The following THADA variants were observed in gnomAD, a reference collection of about 807,000 sequenced individuals.
The protein encoded by THADA is THADA armadillo repeat containing, also known as tRNA (32-2'-O)-methyltransferase regulator THADA.
A neutral mutation model predicts 219.8 loss-of-function variants in THADA; 213 were observed. The ratio of observed to expected loss-of-function variants is 0.97; its 90% CI spans 0.87 to 1.09. The LOEUF (loss-of-function observed/expected upper bound fraction) is 1.09. Among genes scored for constraint, THADA ranks in the 50% least tolerant of loss-of-function variants. THADA has a pLI of 0.00. For synonymous variants in THADA, 1,018 were observed against 828.9 expected (o/e 1.23, Z -3.92); for missense variants, 2,956 against 2,311.3 (o/e 1.28, Z -5.72).
At position 43,551,870 on chromosome 2, in the gene THADA, A is replaced by G; in HGVS notation, c.2866T>C (p.Ser956Pro). Residue 956 changes from serine (S) to proline (P), a missense_variant, in exon 19 of 38, where the codon TCC (serine) becomes CCC (proline). Ser to Pro is a moderately conservative substitution (Grantham distance 74, BLOSUM62 -1). Coordinates refer to ENST00000405975, the MANE Select transcript of THADA (RefSeq NM_022065.5). Reference protein sequence around the residue: ...RPVVEKLLLMSYRLSTVVSPV... With the variant: ...RPVVEKLLLMPYRLSTVVSPV... ...GACACCACAGTGGAAAGCCTGTAGG[A>G]CATCAAAAGGAGCTTCTCTACCACA... The G allele has an allele frequency of 1.2e-6, 2 of 1,613,914 alleles. No individual in the cohort carries two copies. The highest frequency in any genetic ancestry group is 1.7e-6 in the Non-Finnish European group (2 of 1,179,856).
At chr2:43,407,880 C>A (rs1360411188) in intron 28 of THADA, among the ~76,000 whole-genome samples, 1 of 151,950 alleles carries the variant, frequency 6.6e-6, no homozygotes, top group East Asian at 1.9e-4. Flanking sequence ...ATGATGGATT[C>A]CCAAATAAAA....
At chr2:43,308,754 A>G (rs1209274914) in intron 31 of THADA, among the ~76,000 whole-genome samples, 1 of 85,630 alleles carries the variant, frequency 1.2e-5, no homozygotes, top group Non-Finnish European at 2.4e-5. Flanking sequence ...TTGGATACCC[A>G]TACCAAAAAA....
chr2:43,380,017 G>A (rs1044315608), intron 29 of THADA, among the ~76,000 whole-genome samples: 7 of 152,226 alleles, frequency 4.6e-5, no homozygotes, highest in Non-Finnish European at 7.3e-5. Flanking sequence ...GGTTGCCAGA[G>A]TTTTGTGGAG....
At chr2:43,412,089 G>A (rs749339469) in intron 28 of THADA, among the ~76,000 whole-genome samples, 2 of 152,052 alleles carry the variant, frequency 1.3e-5, no homozygotes, top group Admixed American at 6.6e-5. Flanking sequence ...TTTTATGTTG[G>A]ATTTTAAACA....
At position 43,524,405 on chromosome 2, in the gene THADA, T is replaced by A. The variant is rs561786388; in HGVS notation, c.3374+3474A>T. On this transcript the variant is annotated intron_variant, in intron 22 of 37. Transcript: ENST00000405975. ...TCATGTTTAACTCTTCAGTTATTTA[T>A]CCATTAATCTCTTTAAGTGCTTCCT... is the stretch of plus-strand genomic sequence containing the variant. 8.7e-4 allele frequency among the ~76,000 whole-genome samples: 133 copies of A among 152,370 alleles called. 1 individual carries two copies. Among genetic ancestry groups the A allele is most frequent in the African/African-American group, 3.0e-3 (125 of 41,590 alleles).
intron 31 of THADA, among the ~76,000 whole-genome samples, chr2:43,306,483 G>C (rs1676876997): frequency 1.3e-5 from 2 of 152,064 alleles, no homozygotes; most frequent in African/African-American, 2.4e-5. Context: ...CTGCTAACTG[G>C]GAAGATTCCT....
chr2:43,541,322 AC>A lies in THADA; in HGVS notation c.3107-7del, dbSNP rs1695277768. On this transcript the variant is annotated splice_region_variant and splice_polypyrimidine_tract_variant and intron_variant, in intron 20 of 37. Coordinates refer to ENST00000405975, the MANE Select transcript of THADA (RefSeq NM_022065.5). The stretch of plus-strand genomic sequence containing the variant: ...ACATGTTTTTACTTCTTTACCTTAA[AC>A]AAAAAAAAACACAACGATTGCAACC... 1 of 1,612,116 alleles carries A rather than the reference AC, an allele frequency of 6.2e-7. No individual in the cohort carries two copies. Among genetic ancestry groups the A allele is most frequent in the East Asian group, 2.2e-5 (1 of 44,804 alleles).
intron 7 of THADA, among the ~76,000 whole-genome samples, chr2:43,582,569 C>CTTT (rs755116429): frequency 0.021 from 2,548 of 119,360 alleles, 219 homozygotes; most frequent in African/African-American, 0.085. Flanking sequence ...CCCTCCCTGG[C>CTTT]TTTTTTTTTT....
chr2:43,398,479 A>G (rs1172248117), intron 28 of THADA, among the ~76,000 whole-genome samples: 1 of 152,230 alleles, frequency 6.6e-6, no homozygotes, highest in African/African-American at 2.4e-5. Flanking sequence ...AAGTGCCATA[A>G]AAAATAAGAC....
chr2:43,552,081 C>A (rs889549324), intron 18 of THADA, 123 bp downstream of exon 18: 13 of 1,518,202 alleles, frequency 8.6e-6, no homozygotes, highest in South Asian at 1.3e-5. Flanking sequence ...GTTTTTAAAT[C>A]TGATTTTCAA....
At chr2:43,336,980 G>T (rs1666529510) in intron 30 of THADA, among the ~76,000 whole-genome samples, 1 of 152,226 alleles carries the variant, frequency 6.6e-6, no homozygotes. Context: ...GGTGGTGCCA[G>T]ATCTTCCAGT....
chr2:43,353,516 C>T (rs149590433), intron 29 of THADA, among the ~76,000 whole-genome samples: 75 of 152,208 alleles, frequency 4.9e-4, no homozygotes, highest in East Asian at 2.9e-3. Context: ...TATTCAAGTT[C>T]GTTGCCCATT....
chr2:43,544,832 T>C (rs1695810958), intron 20 of THADA, among the ~76,000 whole-genome samples: 1 of 151,104 alleles, frequency 6.6e-6, no homozygotes, highest in Non-Finnish European at 1.5e-5. Flanking sequence ...CAGGGACAAT[T>C]TGACTTCCTC....
At chr2:43,552,005 CTT>C (rs1696807241) in intron 18 of THADA, 80 bp from the exon 19 acceptor site, 17 of 1,567,600 alleles carry the variant, frequency 1.1e-5, no homozygotes, top group Non-Finnish European at 1.3e-5. Context: ...AAAGGATTGA[CTT>C]TGTGTTTCAA....
chr2:43,549,190 A>G lies in THADA; in HGVS notation c.3106+20T>C. Reference sequence around the variant, plus strand: ...TGGTTACTTAAACATGAATTACAGTATCCATTTTATACAAGTTACCTTTGA... The same window carrying G: ...TGGTTACTTAAACATGAATTACAGTGTCCATTTTATACAAGTTACCTTTGA... On this transcript the variant is annotated intron_variant, in intron 20 of 37. Transcript: ENST00000405975. 1 of 1,535,084 alleles carries G rather than the reference A, an allele frequency of 6.5e-7. No homozygotes were observed. The highest frequency in any genetic ancestry group is 8.8e-7 in the Non-Finnish European group (1 of 1,142,322).
intron 36 of THADA, among the ~76,000 whole-genome samples, chr2:43,265,928 GAAACACAC>G (rs1339412890): frequency 1.0e-5 from 1 of 97,480 alleles, no homozygotes; most frequent in Non-Finnish European, 2.0e-5. Flanking sequence ...TTTTACTTTT[GAAACACAC>G]ACACACACAC....
chr2:43,423,578 G>A (rs933295019), intron 28 of THADA, among the ~76,000 whole-genome samples: 3 of 151,958 alleles, frequency 2.0e-5, no homozygotes, highest in Admixed American at 1.3e-4. Context: ...GACTACAGGC[G>A]CCTGCCACTA....
intron 29 of THADA, among the ~76,000 whole-genome samples, chr2:43,358,332 G>A (rs538683706): frequency 1.3e-5 from 2 of 152,050 alleles, no homozygotes; most frequent in Admixed American, 6.5e-5. Flanking sequence ...TATTTTCACC[G>A]AGAGAGAAAT....
intron 22 of THADA, among the ~76,000 whole-genome samples, chr2:43,510,700 G>A (rs1243620189): frequency 2.0e-5 from 3 of 150,260 alleles, no homozygotes; most frequent in Non-Finnish European, 4.4e-5. Flanking sequence ...GGTGAGCACA[G>A]TGGCTCACAC....
Sources: allele counts gnomAD v4.1 joint callset (sites outside exome capture counted in the v4.1 genomes callset), GRCh38; gene constraint gnomAD v4.1.1; transcripts MANE v1.5; gene names NCBI Gene and HGNC (gene_info 2026-07-23, HGNC 2026-07-21).